DDR1: variants seen among roughly 807,000 people sequenced by gnomAD.
The protein encoded by DDR1 is discoidin domain receptor tyrosine kinase 1.
Under a neutral mutation model 97.4 loss-of-function variants are expected in DDR1, and 64 were observed. The observed-to-expected ratio is 0.66, with a 90% CI of 0.54 to 0.81. DDR1 has a LOEUF of 0.81. DDR1 is among the 30% of genes least tolerant of loss of function. The pLI is 0.00. For missense variants in DDR1, 990 were observed against 1,259.6 expected (o/e 0.79, Z 3.24); for synonymous variants, 458 against 503.7 (o/e 0.91, Z 1.21).
chr6:30,889,636 G>T lies in DDR1; in HGVS notation c.417+206G>T, dbSNP rs1207778222. Among the ~76,000 whole-genome samples, 1 of 151,222 alleles carries T rather than the reference G, an allele frequency of 6.6e-6. No homozygotes were observed. Among genetic ancestry groups the T allele is most frequent in the Non-Finnish European group, 1.5e-5 (1 of 67,838 alleles). On this transcript the variant is annotated intron_variant, in intron 4 of 17. Transcript: ENST00000376568. This position sits in a 1 kb window ranked among gnomAD's most constrained non-coding sequence, Gnocchi z 4.9. ...CTTTTTTTTTTTTTCTAATAGATGG[G>T]GTCTTGCTGTGTTGCCCAGGCTGGT...
Position 30,894,534 on chromosome 6 carries a change from T to A in DDR1, c.1376T>A (p.Leu459Gln). The change falls in exon 11 of 18, where the codon CTG becomes CAG. Residue 459 changes from leucine to glutamine, a missense_variant. Physicochemically the swap from Leu to Gln is moderately radical, Grantham distance 113. Coordinates refer to ENST00000376568, the MANE Select transcript of DDR1 (RefSeq NM_001297654.2). The surrounding 1 kb of genome is among the most constrained non-coding windows in gnomAD (Gnocchi z 5.7). The part of the protein sequence containing the change: ...KAERRVLEEE[L>Q]TVHLSVPGDT... ...GAACGGAGGGTGTTGGAAGAGGAGC[T>A]GACGGTTCACCTCTCTGTCCCTGGG... is the stretch of plus-strand genomic sequence containing the variant. The A allele has an allele frequency of 6.2e-7, 1 of 1,612,210 alleles. No homozygotes were observed. The highest frequency in any genetic ancestry group is 1.3e-5 in the African/African-American group (1 of 74,920).
chr6:30,885,842 G>GTA, intron 1 of DDR1: 4 of 1,283,632 alleles, frequency 3.1e-6, no homozygotes, highest in Non-Finnish European at 4.1e-6. Flanking sequence ...GTGTGTGTGT[G>GTA]TACAGAGCTG....
At position 30,890,830 on chromosome 6, in the gene DDR1, G is replaced by A. The variant is rs537313495; in HGVS notation, c.418-143G>A. On this transcript the variant is annotated intron_variant, in intron 4 of 17. Transcript: ENST00000376568. The surrounding 1 kb of genome is among the most constrained non-coding windows in gnomAD (Gnocchi z 5.0). The stretch of plus-strand genomic sequence containing the variant: ...CTTCATTTCACCCATGCCTGGCTGC[G>A]CCCCACAGTGCTGTGTGCTCGGTGC... 6.7e-5 allele frequency: 50 copies of A among 750,280 alleles called. No individual in the cohort carries two copies. Among genetic ancestry groups the A allele is most frequent in the Non-Finnish European group, 9.0e-5 (45 of 498,764 alleles). The allele number at this position is 750,280 out of a possible 1,614,324, so 46.5% of individuals were successfully genotyped here. A position where few individuals can be genotyped will look rare whatever the true frequency, so the allele number is the denominator to read the frequency against.
Position 30,888,582 on chromosome 6 carries a change from G to A in DDR1, c.-42-106G>A. The A allele has an allele frequency of 8.1e-7, 1 of 1,240,266 alleles. No individual in the cohort carries two copies. Among genetic ancestry groups the A allele is most frequent in the South Asian group, 1.5e-5 (1 of 67,994 alleles). 76.8% of individuals were successfully genotyped at this position (1,240,266 alleles called of 1,614,324 possible). A position where few individuals can be genotyped will look rare whatever the true frequency, so the allele number is the denominator to read the frequency against. On this transcript the variant is annotated intron_variant, in intron 1 of 17. Coordinates refer to ENST00000376568, the MANE Select transcript of DDR1 (RefSeq NM_001297654.2). This position sits in a 1 kb window ranked among gnomAD's most constrained non-coding sequence, Gnocchi z 4.2. ...ATGCTGTTAAACAATGACTGTTGTT[G>A]TTGTTTTACTGTTATTATCCCCAAA...
chr6:30,891,864 A>T lies in DDR1; in HGVS notation c.666-138A>T. Reference sequence around the variant, plus strand: ...GAGAAGGGCCAGCTGCATGAGTGTGAGGTGGGATGGGAATGGGACTAGTGG... The same window carrying T: ...GAGAAGGGCCAGCTGCATGAGTGTGTGGTGGGATGGGAATGGGACTAGTGG... On this transcript the variant is annotated intron_variant, in intron 6 of 17. Transcript: ENST00000376568. This position sits in a 1 kb window ranked among gnomAD's most constrained non-coding sequence, Gnocchi z 5.3. 1.1e-6 allele frequency: 1 copy of T among 898,826 alleles called. No homozygotes were observed. 55.7% of individuals were successfully genotyped at this position (898,826 alleles called of 1,614,324 possible).
At position 30,894,437 on chromosome 6, in the gene DDR1, T is replaced by A; in HGVS notation, c.1348-69T>A. On this transcript the variant is annotated intron_variant, in intron 10 of 17. Coordinates refer to ENST00000376568, the MANE Select transcript of DDR1 (RefSeq NM_001297654.2). The surrounding 1 kb of genome is among the most constrained non-coding windows in gnomAD (Gnocchi z 5.7). ...AGGGCTGAGGGAGGGAACGCAGGGA[T>A]GGACACAGCAGAGGGCCAGGCCGTG... 1 of 1,463,270 alleles carries A rather than the reference T, an allele frequency of 6.8e-7. No homozygotes were observed. Among genetic ancestry groups the A allele is most frequent in the East Asian group, 2.5e-5 (1 of 40,730 alleles). The allele number at this position is 1,463,270 out of a possible 1,614,324, so 90.6% of individuals were successfully genotyped here.
chr6:30,895,540 G>A (rs371572497), intron 12 of DDR1, 26 bp downstream of exon 12: 97 of 1,459,702 alleles, frequency 6.6e-5, no homozygotes, highest in African/African-American at 9.7e-5. Flanking sequence ...CCTGGGCTCC[G>A]CCAGGCTCCC....
chr6:30,892,452 C>A lies in DDR1; in HGVS notation c.1009C>A (p.Pro337Thr). The change falls in exon 8 of 18, where the codon CCC becomes ACC. Residue 337 changes from proline (P) to threonine (T), a missense_variant. Pro to Thr is a conservative substitution (Grantham distance 38). Coordinates refer to ENST00000376568, the MANE Select transcript of DDR1 (RefSeq NM_001297654.2). ...GDPRARAVSV[P>T]LGGRVARFLQ... ...CCCCAGAGCCCGGGCTGTCTCAGTG[C>A]CCCTTGGCGGCCGTGTGGCTCGCTT... 1.2e-6 allele frequency: 2 copies of A among 1,609,224 alleles called. No homozygotes were observed. Among genetic ancestry groups the A allele is most frequent in the South Asian group, 2.2e-5 (2 of 91,050 alleles).
At chr6:30,896,910 G>A (rs2150429352) in intron 13 of DDR1, 45 bp downstream of exon 13, 1 of 1,562,462 alleles carries the variant, frequency 6.4e-7, no homozygotes, top group South Asian at 1.2e-5. Context: ...TGTGTGCTCT[G>A]ATGCCATGCC....
At chr6:30,885,079 A>T (rs1001098018) in intron 1 of DDR1, 8 of 917,444 alleles carry the variant, frequency 8.7e-6, no homozygotes, top group Non-Finnish European at 1.3e-5. Flanking sequence ...CCCTGCGGGC[A>T]TCTAACTGCT....
In DDR1 at chr6:30,893,065, C is replaced by T. The variant is rs1582066891; in HGVS notation, c.1100-3C>T. 2 of 1,611,768 alleles carry T rather than the reference C, an allele frequency of 1.2e-6. No individual in the cohort carries two copies. The highest frequency in any genetic ancestry group is 2.2e-5 in the South Asian group (2 of 90,858). ...CTCCTTTCTTTTTGTTCCTTCTCCC[C>T]AGATGTGGTGAACAATTCCTCTCCG... is the stretch of plus-strand genomic sequence containing the variant. On this transcript the variant is annotated splice_region_variant and splice_polypyrimidine_tract_variant and intron_variant, in intron 8 of 17. Coordinates refer to ENST00000376568, the MANE Select transcript of DDR1 (RefSeq NM_001297654.2).
Position 30,892,417 on chromosome 6 carries a change from AC to A in DDR1, c.976del (p.Leu326TrpfsTer44). The A allele has an allele frequency of 1.2e-6, 2 of 1,604,726 alleles. No individual in the cohort carries two copies. Among genetic ancestry groups the A allele is most frequent in the Non-Finnish European group, 1.7e-6 (2 of 1,178,774 alleles). On this transcript the variant is annotated frameshift_variant, in exon 8 of 18. Coordinates refer to ENST00000376568, the MANE Select transcript of DDR1 (RefSeq NM_001297654.2). LOFTEE classifies it high-confidence loss of function. ...GEPMRHNLGG[N>X]LGDPRARAVS... is the part of the protein sequence containing the mutation. Reference sequence around the variant, plus strand: ...CCCATGCGCCACAACCTAGGGGGCAACCTGGGGGACCCCAGAGCCCGGGCTG... The same window carrying A: ...CCCATGCGCCACAACCTAGGGGGCAACTGGGGGACCCCAGAGCCCGGGCTG...
At chr6:30,895,001 A>G (rs1394347168) in intron 11 of DDR1, among the ~76,000 whole-genome samples, 4 of 151,366 alleles carry the variant, frequency 2.6e-5, no homozygotes, top group Non-Finnish European at 5.9e-5. Flanking sequence ...ATCCTCCATC[A>G]CCCATCCTTC....
Position 30,893,390 on chromosome 6 carries a change from C to G in DDR1, c.1314C>G (p.Leu438=). ...TGCTGCTCATCATTGCCCTCATGCTCTGGCGGCTGCACTGGCGCAGGCTCC... is the reference window on the plus strand; with the variant it reads ...TGCTGCTCATCATTGCCCTCATGCTGTGGCGGCTGCACTGGCGCAGGCTCC... ...LLLLLIIALM[L]WRLHWRRLLS... Residue 438 remains leucine, a synonymous_variant, in exon 10 of 18, where the codon CTC becomes CTG. Coordinates refer to ENST00000376568, the MANE Select transcript of DDR1 (RefSeq NM_001297654.2). 1 of 1,606,838 alleles carries G rather than the reference C, an allele frequency of 6.2e-7. No homozygotes were observed. The highest frequency in any genetic ancestry group is 8.5e-7 in the Non-Finnish European group (1 of 1,179,798).
rs112048001 is a variant in DDR1 at position 30,889,416 on chromosome 6, C to T, written c.403C>T (p.Arg135Cys). 1.4e-5 allele frequency: 21 copies of T among 1,554,406 alleles called. No homozygotes were observed. Among genetic ancestry groups the T allele is most frequent in the Middle Eastern group, 1.7e-4 (1 of 5,796 alleles). ...DGRRWMGWKD[R>C]WGQEVISGNE... is the part of the protein sequence containing the mutation. ...TCGCCGCTGGATGGGCTGGAAGGACCGCTGGGGTCAGGAGGTGAGACTGGC... is the reference window on the plus strand; with the variant it reads ...TCGCCGCTGGATGGGCTGGAAGGACTGCTGGGGTCAGGAGGTGAGACTGGC... Residue 135 changes from arginine to cysteine, a missense_variant, in exon 4 of 18, where the codon CGC becomes TGC. Arg to Cys is a radical substitution (Grantham distance 180). Transcript: ENST00000376568. This position sits in a 1 kb window ranked among gnomAD's most constrained non-coding sequence, Gnocchi z 4.9.
rs1785285751 is a variant in DDR1 at position 30,885,079 on chromosome 6, ATC to A, written c.-43+371_-43+372del. 4.7e-5 allele frequency: 43 copies of A among 917,326 alleles called. 1 individual carries two copies. In the South Asian group the frequency reaches 6.7e-4, roughly 14 times the overall value. 56.8% of individuals were successfully genotyped at this position (917,326 alleles called of 1,614,324 possible). ...CTCCACCTGGCCAGTCCCTGCGGGC[ATC>A]TAACTGCTAAGCCTCCGCTCAGCCA... On this transcript the variant is annotated intron_variant, in intron 1 of 17. Transcript: ENST00000376568.
Position 30,891,573 on chromosome 6 carries a change from AG to A in DDR1, c.665+100del, listed in dbSNP as rs1366902961. ...TGTGTGTGTGAGAGTGTGTGTGTGT[AG>A]GGGGGCTGGTAAGTAGGGTGGGGAG... On this transcript the variant is annotated intron_variant, in intron 6 of 17. Coordinates refer to ENST00000376568, the MANE Select transcript of DDR1 (RefSeq NM_001297654.2). This position sits in a 1 kb window ranked among gnomAD's most constrained non-coding sequence, Gnocchi z 5.3. The A allele has an allele frequency of 6.4e-6, 5 of 783,514 alleles. No individual in the cohort carries two copies. The African/African-American group carries it at 1.2e-4, about 18-fold the overall frequency. The allele number at this position is 783,514 out of a possible 1,614,324, so 48.5% of individuals were successfully genotyped here. A position where few individuals can be genotyped will look rare whatever the true frequency, so the allele number is the denominator to read the frequency against.
At position 30,890,831 on chromosome 6, in the gene DDR1, C is replaced by A; in HGVS notation, c.418-142C>A. 1.3e-6 allele frequency: 1 copy of A among 775,512 alleles called. No homozygotes were observed. The highest frequency in any genetic ancestry group is 1.9e-6 in the Non-Finnish European group (1 of 520,358). 48.0% of individuals were successfully genotyped at this position (775,512 alleles called of 1,614,324 possible). ...TTCATTTCACCCATGCCTGGCTGCG[C>A]CCCACAGTGCTGTGTGCTCGGTGCC... On this transcript the variant is annotated intron_variant, in intron 4 of 17. Coordinates refer to ENST00000376568, the MANE Select transcript of DDR1 (RefSeq NM_001297654.2). This position sits in a 1 kb window ranked among gnomAD's most constrained non-coding sequence, Gnocchi z 5.0.
Position 30,897,981 on chromosome 6 carries a change from G to C in DDR1, c.2217-92G>C. ...TTCCACCTCCACATGGGGAGCCAGA[G>C]TGACCGGGCCCGGGGAGTGGGCTCT... On this transcript the variant is annotated intron_variant, in intron 15 of 17. Transcript: ENST00000376568. The surrounding 1 kb of genome is among the most constrained non-coding windows in gnomAD (Gnocchi z 5.2). 1 of 982,528 alleles carries C rather than the reference G, an allele frequency of 1.0e-6. No homozygotes were observed. The highest frequency in any genetic ancestry group is 1.5e-5 in the South Asian group (1 of 66,858). The allele number at this position is 982,528 out of a possible 1,614,324, so 60.9% of individuals were successfully genotyped here.
Sources: gnomAD v4.1 joint callset for allele counts (sites outside exome capture counted in the v4.1 genomes callset) on GRCh38, gnomAD v4.1.1 for gene constraint, Gnocchi (gnomAD v3.1) non-coding constraint, MANE v1.5 for transcripts, NCBI Gene and HGNC (gene_info 2026-07-23, HGNC 2026-07-21) for gene names.